SCN3A: variants seen among roughly 807,000 people sequenced by gnomAD.
SCN3A encodes the protein sodium channel protein type 3 subunit alpha.
A neutral mutation model predicts 187.6 loss-of-function variants in SCN3A; 60 were observed. The observed-to-expected ratio is 0.32, with a 90% CI of 0.26 to 0.40. SCN3A has a LOEUF of 0.40. SCN3A is among the 10% of genes least tolerant of loss of function. SCN3A has a pLI of 1.00. For synonymous variants in SCN3A, 788 were observed against 829.2 expected, an observed-to-expected ratio of 0.95 and a Z score of 0.85; for missense variants, 1,601 against 2,428.2, an observed-to-expected ratio of 0.66 and a Z score of 7.16.
intron 2 of SCN3A, 42 bp from the exon 3 acceptor site, chr2:165,176,486 C>G: frequency 6.7e-7 from 1 of 1,492,218 alleles, no homozygotes; most frequent in Non-Finnish European, 9.3e-7. Flanking sequence ...GGAAAGCAAG[C>G]GATTGGGCAT....
At chr2:165,167,729 C>T (rs567488045) in intron 5 of SCN3A, among the ~76,000 whole-genome samples, 1 of 152,182 alleles carries the variant, frequency 6.6e-6, no homozygotes, top group South Asian at 2.1e-4. Context: ...GCACAGTTTT[C>T]CCCAGCATAT....
rs780586775 is a variant in SCN3A at position 165,091,049 on chromosome 2, A to G, written c.5104T>C (p.Leu1702=). The stretch of plus-strand genomic sequence containing the variant: ...CCAGCAGAGGTTGTAATTTGGAACA[A>G]GCAGATCATGCTGTTGCCAAAGGTC... The part of the protein sequence containing the change: ...FETFGNSMIC[L]FQITTSAGWD... The change falls in exon 28 of 28, where the codon TTG becomes CTG. Residue 1702 remains leucine, a synonymous_variant. Coordinates refer to ENST00000283254, the MANE Select transcript of SCN3A (RefSeq NM_006922.4). 19 of 1,614,018 alleles carry G rather than the reference A, an allele frequency of 1.2e-5. No homozygotes were observed. The highest frequency in any genetic ancestry group is 1.7e-5 in the Admixed American group (1 of 59,988).
chr2:165,090,359 T>G lies in SCN3A; in HGVS notation c.5794A>C (p.Ile1932Leu). 6.2e-7 allele frequency: 1 copy of G among 1,613,132 alleles called. No homozygotes were observed. The highest frequency in any genetic ancestry group is 8.5e-7 in the Non-Finnish European group (1 of 1,179,174). The change falls in exon 28 of 28, where the codon ATT (isoleucine) becomes CTT (leucine). Residue 1932 changes from isoleucine to leucine, a missense_variant. Transcript: ENST00000283254. This position sits in a 1 kb window ranked among gnomAD's most constrained non-coding sequence, Gnocchi z 4.0. ...ATAGGTAAGTCAATCCTCCCTTTAATTGCCTCTTTGTTATAGTTACTTGAT... is the reference window on the plus strand; with the variant it reads ...ATAGGTAAGTCAATCCTCCCTTTAAGTGCCTCTTTGTTATAGTTACTTGAT... ...NISSNYNKEA[I>L]KGRIDLPIKQ...
intron 7 of SCN3A, 44 bp from the exon 8 acceptor site, chr2:165,162,872 A>G (rs370311340): frequency 6.2e-7 from 1 of 1,608,282 alleles, no homozygotes; most frequent in African/African-American, 1.3e-5. Flanking sequence ...GAGTGCCAGA[A>G]ATCATGATTT....
At position 165,092,136 on chromosome 2, in the gene SCN3A, A is replaced by T; in HGVS notation, c.4807+118T>A. Reference sequence around the variant, plus strand: ...TTTTTATTCAAATATGCTAGTGTTGAACTTTACATCTATATGCATTATTAT... The same window carrying T: ...TTTTTATTCAAATATGCTAGTGTTGTACTTTACATCTATATGCATTATTAT... On this transcript the variant is annotated intron_variant, in intron 27 of 27. Transcript: ENST00000283254. This position sits in a 1 kb window ranked among gnomAD's most constrained non-coding sequence, Gnocchi z 4.2. 9.8e-7 allele frequency: 1 copy of T among 1,015,774 alleles called. No individual in the cohort carries two copies. The highest frequency in any genetic ancestry group is 1.5e-6 in the Non-Finnish European group (1 of 646,070). The allele number at this position is 1,015,774 out of a possible 1,614,324, so 62.9% of individuals were successfully genotyped here.
Position 165,162,600 on chromosome 2 carries a change from A to G in SCN3A, c.923T>C (p.Val308Ala). Residue 308 changes from valine (V) to alanine (A), a missense_variant, in exon 8 of 28, where the codon GTA (valine) becomes GCA (alanine). Transcript: ENST00000283254. ...CTTCCAGTTAAATGTGCTCATTGTT[A>G]CATTAACAAATGTCCCATTTGAATC... ...TMDSNGTFVN[V>A]TMSTFNWKDY... 1 of 1,614,180 alleles carries G rather than the reference A, an allele frequency of 6.2e-7. No individual in the cohort carries two copies. The highest frequency in any genetic ancestry group is 8.5e-7 in the Non-Finnish European group (1 of 1,180,016).
chr2:165,104,131 A>G (rs1373910148), intron 21 of SCN3A, among the ~76,000 whole-genome samples: 2 of 152,064 alleles, frequency 1.3e-5, no homozygotes, highest in African/African-American at 2.4e-5. Context: ...AAGTTTGTGT[A>G]GGAGTCTTTT....
At chr2:165,146,439 C>CACAT (rs1559229337) in intron 12 of SCN3A, among the ~76,000 whole-genome samples, 2 of 140,276 alleles carry the variant, frequency 1.4e-5, no homozygotes, top group East Asian at 2.1e-4. Context: ...TATATACACA[C>CACAT]ATATATATAT....
At chr2:165,094,339 G>T in intron 26 of SCN3A, 35 bp downstream of exon 26, 1 of 1,465,490 alleles carries the variant, frequency 6.8e-7, no homozygotes, top group Non-Finnish European at 9.6e-7. Context: ...TGGACGCATG[G>T]CTTTGGAACA....
At chr2:165,170,294 G>A in intron 4 of SCN3A, 136 bp downstream of exon 4, 2 of 639,942 alleles carry the variant, frequency 3.1e-6, no homozygotes, top group East Asian at 2.8e-5. Context: ...GAAAACCAAT[G>A]CAAATAAATG....
At chr2:165,139,201 A>G (rs373411181) in intron 14 of SCN3A, among the ~76,000 whole-genome samples, 1 of 152,316 alleles carries the variant, frequency 6.6e-6, no homozygotes, top group Admixed American at 6.5e-5. Context: ...CTCTATTTGC[A>G]TATGAGTAAC....
chr2:165,198,284 T>C (rs1692095898), intron 1 of SCN3A, among the ~76,000 whole-genome samples: 2 of 151,962 alleles, frequency 1.3e-5, no homozygotes, highest in South Asian at 2.1e-4. Flanking sequence ...ATTCAAGGAT[T>C]TGAAATGAAA....
At chr2:165,115,317 G>T (rs1273401338) in intron 19 of SCN3A, 138 bp downstream of exon 19, 7 of 967,118 alleles carry the variant, frequency 7.2e-6, no homozygotes, top group Non-Finnish European at 9.7e-6. Context: ...TCCTCCTACC[G>T]TAGCCTCCCA....
In SCN3A at chr2:165,137,889, A is replaced by G. The variant is rs756647854; in HGVS notation, c.2381T>C (p.Val794Ala). The G allele has an allele frequency of 7.5e-6, 12 of 1,609,872 alleles. No individual in the cohort carries two copies. Among genetic ancestry groups the G allele is most frequent in the East Asian group, 4.5e-5 (2 of 44,826 alleles). ...MTEQFSSVLT[V>A]GNLVFTGIFT... is the part of the protein sequence containing the mutation. ...TTCAAATGTACTTACCAGGTTTCCT[A>G]CAGTCAACACACTACTGAATTGCTC... is the stretch of plus-strand genomic sequence containing the variant. Residue 794 changes from valine (V) to alanine (A), a missense_variant, in exon 15 of 28, where the codon GTA becomes GCA. Physicochemically the swap from Val to Ala is moderately conservative, Grantham distance 64. Around this residue, in one of 11 missense-constraint regions of SCN3A, gnomAD observed 376 missense variants for 476.0 expected, o/e 0.79. Transcript: ENST00000283254.
At chr2:165,183,723 C>G (rs1691037878) in intron 2 of SCN3A, among the ~76,000 whole-genome samples, 1 of 152,152 alleles carries the variant, frequency 6.6e-6, no homozygotes, top group Non-Finnish European at 1.5e-5. Flanking sequence ...CTCTTTCCCT[C>G]TCTCTGTCGG....
rs1692480512 is a variant in SCN3A, at chr2:165,204,035, C to G, written c.-460G>C. ...TTTCCAGAATCCTCTCTGCTTATGC[C>G]TCCGCTTCCTGTTCTGAGATTCACT... On this transcript the variant is annotated 5_prime_UTR_variant, in exon 1 of 28. Coordinates refer to ENST00000283254, the MANE Select transcript of SCN3A (RefSeq NM_006922.4). The G allele has an allele frequency of 6.7e-6, 1 of 149,238 alleles. No individual in the cohort carries two copies. The highest frequency in any genetic ancestry group is 1.5e-5 in the Non-Finnish European group (1 of 67,562). 9.2% of individuals were successfully genotyped at this position (149,238 alleles called of 1,614,324 possible). A position where few individuals can be genotyped will look rare whatever the true frequency, so the allele number is the denominator to read the frequency against.
At chr2:165,162,910 C>T in intron 7 of SCN3A, 82 bp from the exon 8 acceptor site, 1 of 1,528,732 alleles carries the variant, frequency 6.5e-7, no homozygotes, top group South Asian at 1.1e-5. Flanking sequence ...TTCTCTTTCC[C>T]CCATAAATGA....
chr2:165,115,602 T>C (rs778314527), intron 18 of SCN3A, 27 bp from the exon 19 acceptor site: 49 of 1,612,018 alleles, frequency 3.0e-5, no homozygotes, highest in African/African-American at 4.0e-5. Flanking sequence ...ATTTCAAAGA[T>C]GTGATTTTCC....
In SCN3A at chr2:165,089,945, G is replaced by C; in HGVS notation, c.*205C>G. ...GCAGTGTCAGCTGGTAATAAAAACAGCAACCTCTTGTCAATGTTGATACCC... is the reference window on the plus strand; with the variant it reads ...GCAGTGTCAGCTGGTAATAAAAACACCAACCTCTTGTCAATGTTGATACCC... On this transcript the variant is annotated 3_prime_UTR_variant, in exon 28 of 28. Coordinates refer to ENST00000283254, the MANE Select transcript of SCN3A (RefSeq NM_006922.4). 1 of 652,752 alleles carries C rather than the reference G, an allele frequency of 1.5e-6. No individual in the cohort carries two copies. Among genetic ancestry groups the C allele is most frequent in the South Asian group, 2.0e-5 (1 of 49,464 alleles). The allele number at this position is 652,752 out of a possible 1,614,324, so 40.4% of individuals were successfully genotyped here.
Sources: allele counts gnomAD v4.1 joint callset (sites outside exome capture counted in the v4.1 genomes callset), GRCh38; gene constraint gnomAD v4.1.1; regional missense constraint gnomAD v4.1.1; non-coding constraint Gnocchi (gnomAD v3.1); transcripts MANE v1.5; gene names NCBI Gene and HGNC (gene_info 2026-07-23, HGNC 2026-07-21).